Variants in TSPAN33 observed in about 807,000 individuals in gnomAD.
The protein encoded by TSPAN33 is tetraspanin 33.
Under a neutral mutation model 34.8 loss-of-function variants are expected in TSPAN33, and 27 were observed. The ratio of observed to expected loss-of-function variants is 0.78; its 90% CI spans 0.57 to 1.07. The LOEUF (loss-of-function observed/expected upper bound fraction) is 1.07, where lower values mean the gene tolerates loss of function less well. TSPAN33 is among the 50% of genes least tolerant of loss of function. The probability of loss-of-function intolerance (pLI) is 0.00; values close to 1 mark genes in which losing one functional copy is unlikely to be tolerated. For synonymous variants in TSPAN33, 119 were observed against 124.2 expected, an observed-to-expected ratio of 0.96 and a Z score of 0.28; for missense variants, 272 against 324.9, an observed-to-expected ratio of 0.84 and a Z score of 1.25.
intron 1 of TSPAN33, among the ~76,000 whole-genome samples, chr7:129,160,150 C>T (rs919740825): frequency 1.3e-5 from 2 of 152,182 alleles, no homozygotes; most frequent in Admixed American, 1.3e-4. Flanking sequence ...CCTGCCCTCC[C>T]CTGCCAGATG....
Position 129,167,375 on chromosome 7 carries a change from T to A in TSPAN33, c.589-24T>A. ...AAAGTTATTGGAATTACAGTCCCAA[T>A]TGGCTTTTCAACTCTTTCCCCAGGC... is the stretch of plus-strand genomic sequence containing the variant. On this transcript the variant is annotated intron_variant, in intron 6 of 7. Transcript: ENST00000486685. This position sits in a 1 kb window ranked among gnomAD's most constrained non-coding sequence, Gnocchi z 4.6. The A allele has an allele frequency of 6.3e-7, 1 of 1,599,998 alleles. No homozygotes were observed.
chr7:129,167,641 C>T lies in TSPAN33; in HGVS notation c.750+81C>T, dbSNP rs1022402389. 4 of 1,571,764 alleles carry T rather than the reference C, an allele frequency of 2.5e-6. No homozygotes were observed. The highest frequency in any genetic ancestry group is 2.6e-6 in the Non-Finnish European group (3 of 1,150,316). Reference sequence around the variant, plus strand: ...TTTGGGGAAGGCACCTGGGGATCAGCGAGGGTGTCAGGCACTGACATGGCT... The same window carrying T: ...TTTGGGGAAGGCACCTGGGGATCAGTGAGGGTGTCAGGCACTGACATGGCT... On this transcript the variant is annotated intron_variant, in intron 7 of 7. Transcript: ENST00000486685. The surrounding 1 kb of genome is among the most constrained non-coding windows in gnomAD (Gnocchi z 4.6).
At chr7:129,160,070 A>C (rs1487754673) in intron 1 of TSPAN33, among the ~76,000 whole-genome samples, 1 of 152,204 alleles carries the variant, frequency 6.6e-6, no homozygotes, top group African/African-American at 2.4e-5. Flanking sequence ...AGGGGGCTGT[A>C]TATACAGGCA....
At chr7:129,155,786 A>G (rs1018788055) in intron 1 of TSPAN33, among the ~76,000 whole-genome samples, 3 of 152,104 alleles carry the variant, frequency 2.0e-5, no homozygotes, top group African/African-American at 4.8e-5. Context: ...CAGTGGCACA[A>G]TCATGGCTCA....
At chr7:129,150,507 G>A (rs1463711726) in intron 1 of TSPAN33, among the ~76,000 whole-genome samples, 2 of 152,192 alleles carry the variant, frequency 1.3e-5, no homozygotes, top group Admixed American at 6.5e-5. Flanking sequence ...GAGATAGGAA[G>A]GCAGCCAAGT....
intron 1 of TSPAN33, among the ~76,000 whole-genome samples, chr7:129,160,541 A>G (rs920154474): frequency 3.3e-5 from 5 of 152,280 alleles, no homozygotes; most frequent in African/African-American, 1.2e-4. Context: ...GGGGTCTCCT[A>G]TTAGTCTCTG....
intron 1 of TSPAN33, among the ~76,000 whole-genome samples, chr7:129,153,600 G>A (rs778220742): frequency 3.9e-5 from 6 of 152,196 alleles, no homozygotes; most frequent in Non-Finnish European, 5.9e-5. Flanking sequence ...GATAATTGGG[G>A]AAAGTTACAT....
rs1793057990 is a variant in TSPAN33, at chr7:129,161,747, G to A, written c.160+11G>A. 2 of 1,613,962 alleles carry A rather than the reference G, an allele frequency of 1.2e-6. No individual in the cohort carries two copies. The highest frequency in any genetic ancestry group is 1.7e-6 in the Non-Finnish European group (2 of 1,180,024). On this transcript the variant is annotated intron_variant, in intron 2 of 7. Coordinates refer to ENST00000486685, the MANE Select transcript of TSPAN33 (RefSeq NM_178562.5). ...TAATGAAGCATGCAGGTGAGCTGTA[G>A]CTCTCCCTCCCTGCCCCCACCTTGT...
At chr7:129,166,757 C>T (rs1793146631) in intron 5 of TSPAN33, 21 bp from the exon 6 acceptor site, 1 of 1,613,118 alleles carries the variant, frequency 6.2e-7, no homozygotes, top group Non-Finnish European at 8.5e-7. Context: ...GATTCTTAAC[C>T]TCTGGTGGGT....
chr7:129,152,027 A>G (rs1810602668), intron 1 of TSPAN33, among the ~76,000 whole-genome samples: 1 of 152,320 alleles, frequency 6.6e-6, no homozygotes, highest in African/African-American at 2.4e-5. Context: ...ATCGAGGGAC[A>G]TTCTGCAAAA....
intron 3 of TSPAN33, 58 bp downstream of exon 3, chr7:129,162,579 G>T: frequency 6.3e-7 from 1 of 1,599,034 alleles, no homozygotes. Flanking sequence ...ATGCCTCTTA[G>T]CCTCCCACGG....
At position 129,166,892 on chromosome 7, in the gene TSPAN33, C is replaced by T. The variant is rs957037553; in HGVS notation, c.574C>T (p.Pro192Ser). Residue 192 changes from proline (P) to serine (S), a missense_variant, in exon 6 of 8, where the codon CCT becomes TCT. Physicochemically the swap from Pro to Ser is moderately conservative, Grantham distance 74 (BLOSUM62 -1). Coordinates refer to ENST00000486685, the MANE Select transcript of TSPAN33 (RefSeq NM_178562.5). The part of the protein sequence containing the change: ...RCSVPYSCCL[P>S]TPDQAVINTM... ...CTCTGTGCCTTACTCCTGTTGCTTG[C>T]CTACTCCTGACCAGGTGAGCCAGCA... The T allele has an allele frequency of 1.9e-6, 3 of 1,613,632 alleles. No homozygotes were observed.
intron 2 of TSPAN33, 135 bp from the exon 3 acceptor site, chr7:129,162,259 C>G: frequency 1.5e-6 from 2 of 1,348,660 alleles, no homozygotes; most frequent in South Asian, 2.6e-5. Flanking sequence ...GGTACTGCCT[C>G]CCCTTAACCT....
chr7:129,151,703 A>G (rs1305569064), intron 1 of TSPAN33, among the ~76,000 whole-genome samples: 1 of 152,120 alleles, frequency 6.6e-6, no homozygotes, highest in Non-Finnish European at 1.5e-5. Flanking sequence ...CCTTTCTCCC[A>G]TGAACATTAG....
chr7:129,161,347 C>T (rs113724101), intron 1 of TSPAN33, among the ~76,000 whole-genome samples: 19 of 152,344 alleles, frequency 1.2e-4, no homozygotes, highest in African/African-American at 4.3e-4. Flanking sequence ...TCCCAAAATG[C>T]CCAGCCTGAA....
In TSPAN33 at chr7:129,169,694, T is replaced by G. The variant is rs1204725276; in HGVS notation, c.*1820T>G. On this transcript the variant is annotated 3_prime_UTR_variant, in exon 8 of 8. Coordinates refer to ENST00000486685, the MANE Select transcript of TSPAN33 (RefSeq NM_178562.5). ...AAATAAAATTATCCAGAATCTAGAA[T>G]AAAAAGTAAGGGCCTTTTATTCTGG... The G allele has an allele frequency of 1.2e-4, 18 of 152,194 alleles. 1 individual carries two copies. Among genetic ancestry groups the G allele is most frequent in the Admixed American group, 1.2e-3 (18 of 15,282 alleles). 9.4% of individuals were successfully genotyped at this position (152,194 alleles called of 1,614,324 possible).
At position 129,154,253 on chromosome 7, in the gene TSPAN33, T is replaced by C. The variant is rs567020846; in HGVS notation, c.103-7426T>C. Among the ~76,000 whole-genome samples the C allele has an allele frequency of 4.0e-5, 6 of 151,850 alleles. No individual in the cohort carries two copies. The South Asian group carries it at 1.3e-3, about 32-fold the overall frequency. ...AGGAGAATCTCTTGAGCCCAAGAGG[T>C]TGAGGCTGCAATGAGCTATGATTGT... On this transcript the variant is annotated intron_variant, in intron 1 of 7. Coordinates refer to ENST00000486685, the MANE Select transcript of TSPAN33 (RefSeq NM_178562.5).
intron 1 of TSPAN33, 74 bp from the exon 2 acceptor site, chr7:129,161,605 C>T: frequency 6.8e-7 from 1 of 1,467,404 alleles, no homozygotes; most frequent in Non-Finnish European, 9.5e-7. Flanking sequence ...TCCTGCTCTC[C>T]TAGGTTTCTC....
At chr7:129,146,242 C>T (rs1295314315) in intron 1 of TSPAN33, among the ~76,000 whole-genome samples, 1 of 152,118 alleles carries the variant, frequency 6.6e-6, no homozygotes, top group Non-Finnish European at 1.5e-5. Flanking sequence ...GGGTGAGGTG[C>T]AGACACAAAG....
Sources: allele counts gnomAD v4.1 joint callset (sites outside exome capture counted in the v4.1 genomes callset), GRCh38; gene constraint gnomAD v4.1.1; non-coding constraint Gnocchi (gnomAD v3.1); transcripts MANE v1.5; gene names NCBI Gene and HGNC (gene_info 2026-07-23, HGNC 2026-07-21).